The following GABRB2 variants were observed in gnomAD, a reference collection of about 807,000 sequenced individuals.
The protein encoded by GABRB2 is gamma-aminobutyric acid type A receptor subunit beta2, also known as gamma-aminobutyric acid receptor subunit beta-2.
A neutral mutation model predicts 54.7 loss-of-function variants in GABRB2; 16 were observed. The observed-to-expected ratio is 0.29, with a 90% CI of 0.20 to 0.44. GABRB2 has a LOEUF of 0.44. Ranked by LOEUF, GABRB2 falls within the 20% of genes least tolerant of loss-of-function variation. GABRB2 has a pLI of 1.00. For synonymous variants in GABRB2, 244 were observed against 233.8 expected, an observed-to-expected ratio of 1.04 and a Z score of -0.40; for missense variants, 355 against 644.0, an observed-to-expected ratio of 0.55 and a Z score of 4.86.
chr5:161,364,657 T>C (rs991455909), intron 5 of GABRB2, among the ~76,000 whole-genome samples: 1 of 152,116 alleles, frequency 6.6e-6, no homozygotes, highest in African/African-American at 2.4e-5. Context: ...AAGTGAGAAA[T>C]AAAAAATAAC....
intron 3 of GABRB2, among the ~76,000 whole-genome samples, chr5:161,523,330 T>C (rs1760175228): frequency 6.6e-6 from 1 of 151,532 alleles, no homozygotes; most frequent in Non-Finnish European, 1.5e-5. Context: ...GTTGGAGAAG[T>C]AACAACCAAA....
At chr5:161,449,129 T>C (rs1158355672) in intron 4 of GABRB2, among the ~76,000 whole-genome samples, 2 of 152,182 alleles carry the variant, frequency 1.3e-5, no homozygotes, top group African/African-American at 4.8e-5. Flanking sequence ...TTTGCATTCA[T>C]TTACTTGGAT....
chr5:161,313,101 G>A (rs987989022), intron 9 of GABRB2, among the ~76,000 whole-genome samples: 1 of 152,198 alleles, frequency 6.6e-6, no homozygotes, highest in African/African-American at 2.4e-5. Context: ...GAGGAAGGAT[G>A]CAGGTCAAGC....
At chr5:161,297,346 A>G (rs2113339430) in intron 9 of GABRB2, among the ~76,000 whole-genome samples, 1 of 152,280 alleles carries the variant, frequency 6.6e-6, no homozygotes, top group East Asian at 1.9e-4. Flanking sequence ...GGTTTGTTAC[A>G]TAGGTATAAA....
intron 3 of GABRB2, among the ~76,000 whole-genome samples, chr5:161,475,281 G>A (rs1340164231): frequency 6.6e-6 from 1 of 151,934 alleles, no homozygotes; most frequent in Non-Finnish European, 1.5e-5. Flanking sequence ...GAAAGTCTAA[G>A]TCTACATGTG....
chr5:161,524,585 A>G (rs1370575105), intron 3 of GABRB2, among the ~76,000 whole-genome samples: 1 of 151,522 alleles, frequency 6.6e-6, no homozygotes, highest in East Asian at 1.9e-4. Flanking sequence ...AAAGTTAGCA[A>G]TGAACTGATT....
At chr5:161,429,281 A>G (rs1757101125) in intron 4 of GABRB2, among the ~76,000 whole-genome samples, 2 of 140,200 alleles carry the variant, frequency 1.4e-5, no homozygotes, top group Admixed American at 7.7e-5. Context: ...AGGGGGCAGA[A>G]GTTGCAGTGA....
intron 3 of GABRB2, among the ~76,000 whole-genome samples, chr5:161,524,690 T>G (rs193090672): frequency 1.0e-3 from 153 of 151,472 alleles, no homozygotes; most frequent in African/African-American, 3.5e-3. Flanking sequence ...ATTAATAGAA[T>G]AGAATACAAC....
intron 4 of GABRB2, among the ~76,000 whole-genome samples, chr5:161,450,436 A>G (rs1471457330): frequency 6.6e-6 from 1 of 152,176 alleles, no homozygotes; most frequent in Non-Finnish European, 1.5e-5. Flanking sequence ...ATTATTTCCT[A>G]GGGTTGCTAA....
chr5:161,402,611 G>A (rs1437478668), intron 5 of GABRB2, among the ~76,000 whole-genome samples: 1 of 152,164 alleles, frequency 6.6e-6, no homozygotes. Context: ...AAAAGGATTT[G>A]GATGAAGCAG....
At chr5:161,368,899 C>T (rs1308065795) in intron 5 of GABRB2, among the ~76,000 whole-genome samples, 2 of 152,136 alleles carry the variant, frequency 1.3e-5, no homozygotes, top group African/African-American at 4.8e-5. Flanking sequence ...TCAATCTTTA[C>T]TTAAGGTAAA....
chr5:161,378,150 C>T (rs1209708612), intron 5 of GABRB2, among the ~76,000 whole-genome samples: 1 of 152,062 alleles, frequency 6.6e-6, no homozygotes, highest in African/African-American at 2.4e-5. Context: ...GGCTTACTAG[C>T]TTTGTGTCTT....
chr5:161,387,203 T>G lies in GABRB2; in HGVS notation c.541+23772A>C, dbSNP rs139413194. Among the ~76,000 whole-genome samples, 26 of 152,268 alleles carry G rather than the reference T, an allele frequency of 1.7e-4. No homozygotes were observed. In the East Asian group the frequency reaches 4.6e-3, roughly 27 times the overall value. ...GTGCTCCCTAGGTCTGAAGGCCTTG[T>G]GAATGACTGACTTCACCCTTCTGCA... On this transcript the variant is annotated intron_variant, in intron 5 of 9. Coordinates refer to ENST00000393959, the MANE Select transcript of GABRB2 (RefSeq NM_001371727.1).
chr5:161,397,707 A>G (rs1482939631), intron 5 of GABRB2, among the ~76,000 whole-genome samples: 8 of 152,204 alleles, frequency 5.3e-5, no homozygotes. Context: ...CACTTCCTAT[A>G]TTAAAACAGT....
intron 8 of GABRB2, among the ~76,000 whole-genome samples, chr5:161,328,998 C>G (rs1753747054): frequency 6.6e-6 from 1 of 152,104 alleles, no homozygotes. Context: ...GGCTTTTCAC[C>G]ACTATGGGGT....
chr5:161,461,162 T>G (rs1019814422), intron 3 of GABRB2, among the ~76,000 whole-genome samples: 1 of 152,262 alleles, frequency 6.6e-6, no homozygotes. Context: ...TTGTAAGAGT[T>G]TGTAAATGAG....
intron 3 of GABRB2, among the ~76,000 whole-genome samples, chr5:161,482,221 T>C (rs1381740562): frequency 1.3e-5 from 2 of 152,064 alleles, no homozygotes; most frequent in African/African-American, 4.8e-5. Context: ...ATGTGTTTCT[T>C]GGTTTCAGCG....
At chr5:161,534,507 G>A (rs1364998936) in intron 3 of GABRB2, among the ~76,000 whole-genome samples, 5 of 152,068 alleles carry the variant, frequency 3.3e-5, no homozygotes, top group Non-Finnish European at 7.4e-5. Flanking sequence ...TGCATGATGC[G>A]CTTCTGAAAT....
intron 5 of GABRB2, among the ~76,000 whole-genome samples, chr5:161,376,861 T>A (rs1755320020): frequency 6.6e-6 from 1 of 152,018 alleles, no homozygotes; most frequent in Non-Finnish European, 1.5e-5. Context: ...ATATGTACCC[T>A]GCATTTTAAA....
Sources: gnomAD v4.1 joint callset for allele counts (sites outside exome capture counted in the v4.1 genomes callset) on GRCh38, gnomAD v4.1.1 for gene constraint, MANE v1.5 for transcripts, NCBI Gene and HGNC (gene_info 2026-07-23, HGNC 2026-07-21) for gene names.